ZDHHC11B: variants seen among roughly 807,000 people sequenced by gnomAD.
ZDHHC11B encodes zDHHC palmitoyltransferase 11B (putative), also known as probable palmitoyltransferase ZDHHC11B.
ZDHHC11B carries 17 observed loss-of-function variants against 42.3 expected under a neutral mutation model. That is an observed-to-expected ratio of 0.40 (90% CI 0.27 to 0.60). ZDHHC11B has a LOEUF of 0.60. ZDHHC11B is among the 20% of genes least tolerant of loss of function. The pLI is 0.41. For synonymous variants in ZDHHC11B, 123 were observed against 193.5 expected, an observed-to-expected ratio of 0.64 and a Z score of 3.02; for missense variants, 262 against 463.2, an observed-to-expected ratio of 0.57 and a Z score of 3.99.
chr5:772,073 A>G (rs1383047124), intron 1 of ZDHHC11B, among the ~76,000 whole-genome samples: 1 of 151,516 alleles, frequency 6.6e-6, no homozygotes, highest in Non-Finnish European at 1.5e-5. Flanking sequence ...AGTTGGGACA[A>G]GTGATAAACA....
intron 4 of ZDHHC11B, among the ~76,000 whole-genome samples, chr5:760,522 A>G (rs996960721): frequency 5.9e-5 from 9 of 151,616 alleles, no homozygotes; most frequent in African/African-American, 1.7e-4. Flanking sequence ...GTGAGACCAG[A>G]TATGTCTGCT....
chr5:776,648 A>C (rs1236982005), intron 1 of ZDHHC11B, among the ~76,000 whole-genome samples: 1 of 151,910 alleles, frequency 6.6e-6, no homozygotes, highest in Non-Finnish European at 1.5e-5. Flanking sequence ...CCCCAGAAGC[A>C]AAAGCCACCC....
chr5:747,423 G>T (rs1368955125), intron 8 of ZDHHC11B: 20 of 148,888 alleles, frequency 1.3e-4, no homozygotes, highest in African/African-American at 4.7e-4. Flanking sequence ...CAACCCTCAG[G>T]CAAGACAACA....
intron 1 of ZDHHC11B, among the ~76,000 whole-genome samples, chr5:777,700 AAGCCTTT>A (rs1389464087): frequency 1.6e-3 from 240 of 151,242 alleles, no homozygotes; most frequent in African/African-American, 5.6e-3. Flanking sequence ...GTGCATTGAC[AAGCCTTT>A]AGCTAGACAT....
intron 1 of ZDHHC11B, among the ~76,000 whole-genome samples, chr5:780,757 G>A (rs1242028180): frequency 1.3e-4 from 20 of 151,676 alleles, no homozygotes; most frequent in African/African-American, 4.8e-4. Context: ...GTGAGGCTGA[G>A]ATGAGCTTCA....
Position 711,205 on chromosome 5 carries a change from C to A in ZDHHC11B, c.*1085G>T, listed in dbSNP as rs62332064. The A allele has an allele frequency of 1.3e-5, 2 of 148,572 alleles. No individual in the cohort carries two copies. Among genetic ancestry groups the A allele is most frequent in the African/African-American group, 2.6e-5 (1 of 38,998 alleles). The allele number at this position is 148,572 out of a possible 1,614,324, so 9.2% of individuals were successfully genotyped here. On this transcript the variant is annotated 3_prime_UTR_variant, in exon 14 of 14. Transcript: ENST00000508859. ...TGCTCCCATTTCCCAGTGCTGTGCC[C>A]TCCCCTTTCCCAGTACTGTGCTCCC... is the stretch of plus-strand genomic sequence containing the variant.
rs1398908570 is a variant in ZDHHC11B at position 742,367 on chromosome 5, T to TAAA, written c.901-740_901-739insTTT. Among the ~76,000 whole-genome samples the TAAA allele has an allele frequency of 2.1e-5, 3 of 146,310 alleles. No homozygotes were observed. The East Asian group carries it at 6.5e-4, about 32-fold the overall frequency. On this transcript the variant is annotated intron_variant, in intron 9 of 13. Transcript: ENST00000508859. ...TTTTTTACAATTGCACTTTGAAAGC[T>TAAA]CTTTGTGTCTTTGTGTATTCCGGAC...
chr5:732,768 G>C (rs1404958376), intron 11 of ZDHHC11B: 11 of 344,144 alleles, frequency 3.2e-5, no homozygotes, highest in Non-Finnish European at 6.3e-5. Context: ...GGAGGCTCAC[G>C]CCTCTAATCC....
intron 12 of ZDHHC11B, among the ~76,000 whole-genome samples, chr5:730,155 C>T (rs1445348858): frequency 4.0e-5 from 6 of 151,710 alleles, no homozygotes; most frequent in Admixed American, 2.6e-4. Context: ...TTCAGGCTCA[C>T]AACATTACAT....
intron 11 of ZDHHC11B, among the ~76,000 whole-genome samples, chr5:730,883 T>C (rs957630652): frequency 9.9e-5 from 15 of 151,768 alleles, no homozygotes; most frequent in Admixed American, 7.2e-4. Flanking sequence ...CAGGTGGCCG[T>C]CTACAAGGCA....
At chr5:746,715 G>A (rs1229739291) in intron 8 of ZDHHC11B, among the ~76,000 whole-genome samples, 1 of 150,476 alleles carries the variant, frequency 6.6e-6, no homozygotes, top group African/African-American at 2.4e-5. Flanking sequence ...TCTCCCCGCA[G>A]CGTGCAGGTG....
intron 4 of ZDHHC11B, among the ~76,000 whole-genome samples, chr5:763,375 A>G (rs1199922920): frequency 2.8e-5 from 4 of 142,154 alleles, no homozygotes; most frequent in African/African-American, 5.7e-5. Context: ...CATCTCGGGA[A>G]AAAAAAAAAA....
intron 4 of ZDHHC11B, among the ~76,000 whole-genome samples, chr5:759,219 T>A (rs1734250166): frequency 6.6e-6 from 1 of 151,366 alleles, no homozygotes; most frequent in Admixed American, 6.6e-5. Context: ...CTGTATTTTG[T>A]AAATAAACGG....
In ZDHHC11B at chr5:778,020, G is replaced by C. The variant is rs556517118; in HGVS notation, c.-230+6648C>G. On this transcript the variant is annotated intron_variant, in intron 1 of 13. Coordinates refer to ENST00000508859, the MANE Select transcript of ZDHHC11B (RefSeq NM_001351303.2). The stretch of plus-strand genomic sequence containing the variant: ...ATTTGAGCATGGCGCAGGCGGGCTG[G>C]CAGTGCTGGGGGACCCGGCGCACCT... Among the ~76,000 whole-genome samples, 158 of 152,036 alleles carry C rather than the reference G, an allele frequency of 1.0e-3. 2 individuals are homozygous for C. Among genetic ancestry groups the C allele is most frequent in the Middle Eastern group, 6.8e-3 (2 of 294 alleles).
rs1289335269 is a variant in ZDHHC11B, at chr5:752,070, G to A, written c.504-813C>T. Among the ~76,000 whole-genome samples, 17 of 125,144 alleles carry A rather than the reference G, an allele frequency of 1.4e-4. 2 individuals are homozygous for A. Among genetic ancestry groups the A allele is most frequent in the Non-Finnish European group, 2.0e-4 (11 of 55,808 alleles). The allele number at this position is 125,144 out of a possible 152,430, so 82.1% of individuals were successfully genotyped here. Reference sequence around the variant, plus strand: ...GGCCTCCCTACCAGCCAAGGAGCACGCAGGCTGGGTCCCCTCAGGGGGCCC... The same window carrying A: ...GGCCTCCCTACCAGCCAAGGAGCACACAGGCTGGGTCCCCTCAGGGGGCCC... On this transcript the variant is annotated intron_variant, in intron 6 of 13. Transcript: ENST00000508859.
At chr5:769,809 A>G (rs1340578548) in intron 1 of ZDHHC11B, among the ~76,000 whole-genome samples, 1 of 151,958 alleles carries the variant, frequency 6.6e-6, no homozygotes, top group Non-Finnish European at 1.5e-5. Context: ...AGGGTGGGCC[A>G]GCACTCTGGT....
chr5:717,628 G>A (rs762010814), intron 12 of ZDHHC11B, among the ~76,000 whole-genome samples: 3 of 151,798 alleles, frequency 2.0e-5, no homozygotes, highest in East Asian at 3.8e-4. Flanking sequence ...GGATATAAAC[G>A]GATCCATAAA....
intron 1 of ZDHHC11B, among the ~76,000 whole-genome samples, chr5:777,252 C>G (rs1462845166): frequency 1.3e-5 from 2 of 151,950 alleles, no homozygotes; most frequent in African/African-American, 4.8e-5. Flanking sequence ...TTCAAGGTGA[C>G]GCCTCTGGAG....
chr5:713,393 TTTTC>T (rs1459234487), intron 13 of ZDHHC11B, among the ~76,000 whole-genome samples: 1 of 152,144 alleles, frequency 6.6e-6, no homozygotes, highest in East Asian at 1.9e-4. Context: ...TGACTTTGTG[TTTTC>T]TTTCTTTATG....
Sources: gnomAD v4.1 joint callset for allele counts (sites outside exome capture counted in the v4.1 genomes callset) on GRCh38, gnomAD v4.1.1 for gene constraint, MANE v1.5 for transcripts, NCBI Gene and HGNC (gene_info 2026-07-23, HGNC 2026-07-21) for gene names.